Variants in UGT1A9 observed in about 807,000 individuals in gnomAD.
The protein encoded by UGT1A9 is UDP glucuronosyltransferase family 1 member A9, also known as UDP-glucuronosyltransferase 1A9.
A neutral mutation model predicts 45.0 loss-of-function variants in UGT1A9; 35 were observed. That is an observed-to-expected ratio of 0.78 (90% CI 0.59 to 1.03). The LOEUF is 1.03. Ranked by LOEUF, UGT1A9 falls within the 50% of genes least tolerant of loss-of-function variation. The pLI is 0.00. For missense variants in UGT1A9, 687 were observed against 666.6 expected (o/e 1.03, Z -0.34); for synonymous variants, 278 against 250.6 (o/e 1.11, Z -1.03).
intron 1 of UGT1A9, among the ~76,000 whole-genome samples, chr2:233,731,698 G>C (rs2078194443): frequency 6.6e-6 from 1 of 152,202 alleles, no homozygotes; most frequent in South Asian, 2.1e-4. Context: ...TGGACATTTG[G>C]ATTGGTTCCA....
intron 1 of UGT1A9, among the ~76,000 whole-genome samples, chr2:233,690,114 T>C (rs1389791367): frequency 1.3e-5 from 2 of 152,240 alleles, no homozygotes; most frequent in Non-Finnish European, 2.9e-5. Flanking sequence ...ATGTCACATA[T>C]GTCTTTGTAA....
intron 1 of UGT1A9, among the ~76,000 whole-genome samples, chr2:233,683,390 T>C (rs961158965): frequency 2.0e-5 from 3 of 152,206 alleles, no homozygotes; most frequent in Non-Finnish European, 2.9e-5. Flanking sequence ...TTAAGATTGA[T>C]AGAGATTTAA....
At chr2:233,724,244 G>T (rs2077194489) in intron 1 of UGT1A9, among the ~76,000 whole-genome samples, 1 of 128,230 alleles carries the variant, frequency 7.8e-6, no homozygotes, top group East Asian at 2.4e-4. Context: ...GCCGGGCAGA[G>T]GCGCCCCTCA....
Position 233,700,704 on chromosome 2 carries a change from GT to G in UGT1A9, c.855+27922del, listed in dbSNP as rs199725937. Among the ~76,000 whole-genome samples the G allele has an allele frequency of 4.5e-3, 682 of 151,722 alleles. 11 individuals are homozygous for G. The highest frequency in any genetic ancestry group is 0.016 in the African/African-American group (644 of 41,324). On this transcript the variant is annotated intron_variant, in intron 1 of 4. Coordinates refer to ENST00000354728, the MANE Select transcript of UGT1A9 (RefSeq NM_021027.3). ...ATAATATATAAACTACACTTTGAAT[GT>G]TTTTTTCTTTTTTTAAAAATTTTAT...
chr2:233,772,325 C>T lies in UGT1A9; in HGVS notation c.1359C>T (p.Asp453=), dbSNP rs773957041. ...AGGACCGCCCGGTGGAGCCGCTGGA[C>T]CTGGCCGTGTTCTGGGTGGAGTTTG... is the stretch of plus-strand genomic sequence containing the variant. ...LHKDRPVEPL[D]LAVFWVEFVM... The change falls in exon 5 of 5, where the codon GAC becomes GAT. Residue 453 remains aspartate, a synonymous_variant. Coordinates refer to ENST00000354728, the MANE Select transcript of UGT1A9 (RefSeq NM_021027.3). 3.1e-6 allele frequency: 5 copies of T among 1,614,018 alleles called. No homozygotes were observed. In the African/African-American group the frequency reaches 4.0e-5, roughly 13 times the overall value.
Position 233,715,888 on chromosome 2 carries a change from C to T in UGT1A9, c.855+43099C>T, listed in dbSNP as rs1156732066. 2.6e-5 allele frequency among the ~76,000 whole-genome samples: 4 copies of T among 152,168 alleles called. No homozygotes were observed. In the East Asian group the frequency reaches 7.7e-4, roughly 29 times the overall value. On this transcript the variant is annotated intron_variant, in intron 1 of 4. Coordinates refer to ENST00000354728, the MANE Select transcript of UGT1A9 (RefSeq NM_021027.3). Reference sequence around the variant, plus strand: ...TAGCTTGTGCCTGTGGCCCCAGCTACTTGGGAGGCTCAGGTGGGAGGATCA... The same window carrying T: ...TAGCTTGTGCCTGTGGCCCCAGCTATTTGGGAGGCTCAGGTGGGAGGATCA...
intron 1 of UGT1A9, among the ~76,000 whole-genome samples, chr2:233,702,262 A>C (rs1404210382): frequency 2.6e-5 from 4 of 152,200 alleles, no homozygotes; most frequent in Non-Finnish European, 5.9e-5. Context: ...CACAAAATAC[A>C]TGAATAGCTT....
At chr2:233,744,603 G>A (rs894598694) in intron 1 of UGT1A9, among the ~76,000 whole-genome samples, 6 of 151,902 alleles carry the variant, frequency 3.9e-5, no homozygotes, top group African/African-American at 9.7e-5. Context: ...TCTCTCTTTA[G>A]TACTTGGCTC....
chr2:233,757,077 A>G (rs1321535856), intron 1 of UGT1A9, among the ~76,000 whole-genome samples: 2 of 151,308 alleles, frequency 1.3e-5, no homozygotes, highest in Non-Finnish European at 2.9e-5. Context: ...CAGAATGGCT[A>G]GAGGGTAAGA....
At chr2:233,692,901 G>C in intron 1 of UGT1A9, 1 of 1,544,142 alleles carries the variant, frequency 6.5e-7, no homozygotes, top group Non-Finnish European at 8.7e-7. Flanking sequence ...GAGGTAGACA[G>C]GACCTGTGAA....
intron 1 of UGT1A9, among the ~76,000 whole-genome samples, chr2:233,738,491 G>A (rs113157638): frequency 2.0e-5 from 3 of 152,180 alleles, no homozygotes; most frequent in Non-Finnish European, 4.4e-5. Context: ...CTTGTTGAAC[G>A]GTTTTGACCA....
intron 1 of UGT1A9, among the ~76,000 whole-genome samples, chr2:233,753,010 T>G (rs1329149459): frequency 6.6e-6 from 1 of 151,864 alleles, no homozygotes; most frequent in Admixed American, 6.6e-5. Context: ...CTACCCAGAG[T>G]GGTGATTTAC....
chr2:233,729,284 C>T, intron 1 of UGT1A9: 1 of 1,614,206 alleles, frequency 6.2e-7, no homozygotes, highest in Non-Finnish European at 8.5e-7. Flanking sequence ...GAGCTCCATG[C>T]CAGAGGCCAC....
At chr2:233,709,342 AC>A (rs2076072449) in intron 1 of UGT1A9, among the ~76,000 whole-genome samples, 1 of 152,100 alleles carries the variant, frequency 6.6e-6, no homozygotes, top group African/African-American at 2.4e-5. Context: ...TGTCATATAA[AC>A]CTATTACTAT....
intron 1 of UGT1A9, among the ~76,000 whole-genome samples, chr2:233,744,785 A>C (rs1433110343): frequency 6.6e-6 from 1 of 151,864 alleles, no homozygotes; most frequent in Non-Finnish European, 1.5e-5. Context: ...TCTCCTGAAA[A>C]ATTCTTGGGG....
chr2:233,691,070 T>C (rs1421029185), intron 1 of UGT1A9: 33 of 986,176 alleles, frequency 3.3e-5, no homozygotes, highest in Non-Finnish European at 3.6e-5. Context: ...GTATAAAGAA[T>C]GTGAAGTTTG....
intron 1 of UGT1A9, among the ~76,000 whole-genome samples, chr2:233,757,362 A>G (rs970680016): frequency 6.6e-6 from 1 of 151,228 alleles, no homozygotes; most frequent in Non-Finnish European, 1.5e-5. Context: ...AGACAGTGGT[A>G]GAAACATCCA....
intron 1 of UGT1A9, chr2:233,729,531 G>T (rs757870746): frequency 6.2e-7 from 1 of 1,614,140 alleles, no homozygotes. Context: ...TACATAATGA[G>T]GCCCTGATCA....
intron 4 of UGT1A9, chr2:233,770,154 AAC>A (rs1418683747): frequency 6.6e-6 from 1 of 152,270 alleles, no homozygotes. Context: ...TTTTTAAAAA[AAC>A]ACAAATCAAT....
Sources: allele counts gnomAD v4.1 joint callset (sites outside exome capture counted in the v4.1 genomes callset), GRCh38; gene constraint gnomAD v4.1.1; transcripts MANE v1.5; gene names NCBI Gene and HGNC (gene_info 2026-07-23, HGNC 2026-07-21).